TXK: variants seen among roughly 807,000 people sequenced by gnomAD.
The protein encoded by TXK is tyrosine-protein kinase TXK.
TXK carries 60 observed loss-of-function variants against 81.0 expected under a neutral mutation model. The ratio of observed to expected loss-of-function variants is 0.74; its 90% CI spans 0.60 to 0.92. TXK has a LOEUF of 0.92. TXK is among the 40% of genes least tolerant of loss of function. The probability of loss-of-function intolerance (pLI) is 0.00; values close to 1 mark genes in which losing one functional copy is unlikely to be tolerated. For synonymous variants in TXK, 203 were observed against 210.7 expected, an observed-to-expected ratio of 0.96 and a Z score of 0.32; for missense variants, 581 against 638.3, an observed-to-expected ratio of 0.91 and a Z score of 0.97.
chr4:48,089,580 CG>C (rs1274283295), intron 9 of TXK, 169 bp downstream of exon 9: 2 of 480,514 alleles, frequency 4.2e-6, no homozygotes, highest in Admixed American at 3.1e-5. Flanking sequence ...TTAGTAGAGA[CG>C]GGGTATCACC....
chr4:48,110,635 G>A (rs200448873), intron 4 of TXK, 32 bp from the exon 5 acceptor site: 1 of 1,553,744 alleles, frequency 6.4e-7, no homozygotes, highest in East Asian at 2.3e-5. Context: ...AAATCAAAAT[G>A]CTTGGCATGT....
intron 6 of TXK, among the ~76,000 whole-genome samples, chr4:48,102,361 GAAGAGT>G (rs1337892005): frequency 1.3e-5 from 2 of 152,156 alleles, no homozygotes; most frequent in Admixed American, 1.3e-4. Context: ...GCATGTCACT[GAAGAGT>G]AAGCTCAACT....
intron 1 of TXK, among the ~76,000 whole-genome samples, chr4:48,130,367 T>C (rs933164941): frequency 6.6e-6 from 1 of 152,166 alleles, no homozygotes; most frequent in African/African-American, 2.4e-5. Context: ...GCAGTCAAGC[T>C]GGGCCCAACC....
chr4:48,075,516 G>A (rs1178081942), intron 12 of TXK, among the ~76,000 whole-genome samples: 2 of 152,116 alleles, frequency 1.3e-5, no homozygotes, highest in East Asian at 3.8e-4. Context: ...TGGGCGTGGT[G>A]GCATGTGCCT....
At chr4:48,108,376 T>C (rs1161736090) in intron 5 of TXK, among the ~76,000 whole-genome samples, 6 of 152,228 alleles carry the variant, frequency 3.9e-5, no homozygotes, top group African/African-American at 1.4e-4. Flanking sequence ...ACATGTATTA[T>C]GTAACAGATA....
At chr4:48,103,903 C>A (rs1718297517) in intron 6 of TXK, among the ~76,000 whole-genome samples, 1 of 151,878 alleles carries the variant, frequency 6.6e-6, no homozygotes, top group African/African-American at 2.4e-5. Flanking sequence ...TAATGAGCAA[C>A]TCAAATACAG....
intron 12 of TXK, among the ~76,000 whole-genome samples, chr4:48,075,666 T>C (rs1230628869): frequency 2.0e-5 from 3 of 151,902 alleles, no homozygotes; most frequent in South Asian, 2.1e-4. Context: ...AAATTGCCAG[T>C]TCTGAATGAA....
intron 1 of TXK, among the ~76,000 whole-genome samples, chr4:48,123,609 T>C (rs1719012097): frequency 6.6e-6 from 1 of 152,182 alleles, no homozygotes; most frequent in Non-Finnish European, 1.5e-5. Flanking sequence ...CGCTTAGTCC[T>C]CACAATGACT....
At chr4:48,071,734 A>G (rs1391850683) in intron 13 of TXK, 60 bp from the exon 14 acceptor site, 4 of 1,578,258 alleles carry the variant, frequency 2.5e-6, no homozygotes, top group Non-Finnish European at 3.4e-6. Flanking sequence ...TGGGAACTGA[A>G]AGAACAATTT....
intron 6 of TXK, among the ~76,000 whole-genome samples, chr4:48,099,589 G>A (rs902365416): frequency 3.9e-4 from 59 of 151,944 alleles, no homozygotes; most frequent in African/African-American, 1.4e-3. Flanking sequence ...AAGCTTATAT[G>A]GACAAAAAAT....
At chr4:48,078,543 A>C (rs986461621) in intron 11 of TXK, among the ~76,000 whole-genome samples, 1 of 152,228 alleles carries the variant, frequency 6.6e-6, no homozygotes, top group Non-Finnish European at 1.5e-5. Flanking sequence ...TCAAGGGAAT[A>C]GTGTGAATAT....
intron 6 of TXK, among the ~76,000 whole-genome samples, chr4:48,104,031 G>A (rs926126017): frequency 6.7e-6 from 1 of 148,972 alleles, no homozygotes; most frequent in African/African-American, 2.5e-5. Flanking sequence ...GCAAAACCCT[G>A]TCTCTATAAA....
At chr4:48,101,245 A>G (rs747661819) in intron 6 of TXK, among the ~76,000 whole-genome samples, 20 of 152,208 alleles carry the variant, frequency 1.3e-4, no homozygotes, top group Non-Finnish European at 2.6e-4. Context: ...GGTAAATATA[A>G]ATTATCAAAC....
intron 6 of TXK, among the ~76,000 whole-genome samples, chr4:48,100,743 T>C (rs1718161089): frequency 6.6e-6 from 1 of 152,192 alleles, no homozygotes; most frequent in Non-Finnish European, 1.5e-5. Flanking sequence ...AGGTTATGGA[T>C]GGTAGCATTG....
intron 10 of TXK, among the ~76,000 whole-genome samples, chr4:48,084,831 G>A (rs566419936): frequency 1.5e-4 from 21 of 135,580 alleles, no homozygotes; most frequent in African/African-American, 5.2e-4. Context: ...AAAGAGAATG[G>A]GTCCAGTTAA....
At chr4:48,086,190 C>T (rs1204760973) in intron 10 of TXK, among the ~76,000 whole-genome samples, 1 of 152,230 alleles carries the variant, frequency 6.6e-6, no homozygotes, top group Non-Finnish European at 1.5e-5. Context: ...AGGGAATTCT[C>T]CTGTCTCATC....
intron 9 of TXK, among the ~76,000 whole-genome samples, chr4:48,088,807 C>T (rs76271330): frequency 0.011 from 1,630 of 152,274 alleles, 12 homozygotes; most frequent in Non-Finnish European, 0.017. Flanking sequence ...AGAAATCTTG[C>T]TTCCATCCCA....
intron 1 of TXK, among the ~76,000 whole-genome samples, chr4:48,132,860 C>A (rs1719280023): frequency 6.6e-6 from 1 of 151,910 alleles, no homozygotes; most frequent in South Asian, 2.1e-4. Flanking sequence ...GCAGGAGAAC[C>A]ACTTGAACCC....
chr4:48,078,940 A>AAGAAGGAAG (rs1717177778), intron 11 of TXK, among the ~76,000 whole-genome samples: 1 of 152,246 alleles, frequency 6.6e-6, no homozygotes, highest in African/African-American at 2.4e-5. Flanking sequence ...GGAAAGAAAG[A>AAGAAGGAAG]AGAAGGAAGA....
Sources: allele counts gnomAD v4.1 joint callset (sites outside exome capture counted in the v4.1 genomes callset), GRCh38; gene constraint gnomAD v4.1.1; transcripts MANE v1.5; gene names NCBI Gene and HGNC (gene_info 2026-07-23, HGNC 2026-07-21).